ZNF600: variants seen among roughly 807,000 people sequenced by gnomAD.
ZNF600 encodes zinc finger protein KR-ZNF1.
In ZNF600, 4 loss-of-function variants were observed where a neutral mutation model predicts 7.3. The observed-to-expected ratio is 0.55, with a 90% CI of 0.27 to 1.25. The LOEUF (loss-of-function observed/expected upper bound fraction) is 1.25, where lower values mean the gene tolerates loss of function less well. Ranked by LOEUF, ZNF600 falls within the 50% of genes most tolerant of loss-of-function variation. ZNF600 has a pLI of 0.12. For missense variants in ZNF600, 911 were observed against 922.1 expected (o/e 0.99, Z 0.16); for synonymous variants, 290 against 308.9 (o/e 0.94, Z 0.64).
chr19:52,800,290 C>T, the ZNF600 span: 4 of 1,607,354 alleles, frequency 2.5e-6, no homozygotes, highest in African/African-American at 2.7e-5. Flanking sequence ...GGTTTCTCTC[C>T]AGTATGAACT....
chr19:52,800,989 G>A, the ZNF600 span: 91 of 1,614,128 alleles, frequency 5.6e-5, no homozygotes, highest in Non-Finnish European at 7.6e-5. Context: ...TGAAGGAAGA[G>A]GGATGTATTG....
At chr19:52,799,779 TTC>T in the ZNF600 span, 1 of 1,614,034 alleles carries the variant, frequency 6.2e-7, no homozygotes, top group African/African-American at 1.3e-5. Context: ...CTTGTAAGGT[TTC>T]TCTCCAGTAT....
At chr19:52,828,200 C>G in the ZNF600 span, among the ~76,000 whole-genome samples, 1 of 151,852 alleles carries the variant, frequency 6.6e-6, no homozygotes, top group African/African-American at 2.4e-5. Flanking sequence ...TACAGGCATG[C>G]TCCACCATGC....
chr19:52,817,775 C>G, the ZNF600 span, among the ~76,000 whole-genome samples: 1 of 152,224 alleles, frequency 6.6e-6, no homozygotes, highest in Non-Finnish European at 1.5e-5. Context: ...GTCACTGGGT[C>G]ACCAGAGATG....
the ZNF600 span, chr19:52,798,400 T>G: frequency 2.6e-6 from 1 of 384,672 alleles, no homozygotes; most frequent in Non-Finnish European, 5.1e-6. Flanking sequence ...TAATGTCAAT[T>G]AATGCTTGAT....
chr19:52,797,494 T>C, the ZNF600 span: 1 of 152,228 alleles, frequency 6.6e-6, no homozygotes, highest in African/African-American at 2.4e-5. Flanking sequence ...CAACTGGAAC[T>C]AATAAACATA....
chr19:52,807,428 A>G, the ZNF600 span, among the ~76,000 whole-genome samples: 6 of 152,262 alleles, frequency 3.9e-5, no homozygotes, highest in South Asian at 2.1e-4. Context: ...AGCACAGGAG[A>G]AGCAAACAGG....
At chr19:52,831,964 C>G in the ZNF600 span, among the ~76,000 whole-genome samples, 1 of 151,950 alleles carries the variant, frequency 6.6e-6, no homozygotes, top group South Asian at 2.1e-4. Flanking sequence ...TGATAGTTGA[C>G]AACAATGAAA....
At chr19:52,786,729 A>G in exon 1 of ZNF600, 2 of 366,780 alleles carry the variant, frequency 5.5e-6, no homozygotes, top group South Asian at 2.0e-5. Context: ...AGCAAAACTC[A>G]CGCGCCGTGG....
At chr19:52,816,723 TA>T in the ZNF600 span, among the ~76,000 whole-genome samples, 12 of 120,712 alleles carry the variant, frequency 9.9e-5, 2 homozygotes, top group Admixed American at 8.5e-4. Context: ...TCCCAGCTAC[TA>T]GGTGGGTTGA....
chr19:52,776,556 C>G (rs1249869289), intron 2 of ZNF600, among the ~76,000 whole-genome samples: 1 of 152,050 alleles, frequency 6.6e-6, no homozygotes, highest in Non-Finnish European at 1.5e-5. Context: ...GGATTTGAGG[C>G]ACCTGCCACT....
chr19:52,783,907 C>T (rs910203031), intron 1 of ZNF600, among the ~76,000 whole-genome samples: 1 of 152,154 alleles, frequency 6.6e-6, no homozygotes, highest in African/African-American at 2.4e-5. Flanking sequence ...TCTTCTGCCT[C>T]AGCCTCCTAA....
the ZNF600 span, among the ~76,000 whole-genome samples, chr19:52,824,569 A>C: frequency 1.3e-5 from 2 of 152,286 alleles, no homozygotes; most frequent in Middle Eastern, 6.8e-3. Context: ...TGGGAGGCAG[A>C]GGTTGCAGTG....
chr19:52,772,797 G>A (rs2062640975), intron 3 of ZNF600, among the ~76,000 whole-genome samples: 1 of 152,114 alleles, frequency 6.6e-6, no homozygotes, highest in African/African-American at 2.4e-5. Context: ...AGCCCAGGCA[G>A]GACAGGAAAT....
chr19:52,794,375 C>G, the ZNF600 span, among the ~76,000 whole-genome samples: 2 of 152,186 alleles, frequency 1.3e-5, no homozygotes, highest in Non-Finnish European at 2.9e-5. Flanking sequence ...CAGCGTCACT[C>G]TGACTGAGCT....
At chr19:52,816,718 G>C in the ZNF600 span, among the ~76,000 whole-genome samples, 1 of 120,868 alleles carries the variant, frequency 8.3e-6, no homozygotes, top group African/African-American at 4.0e-5. Flanking sequence ...TATAATCCCA[G>C]CTACTAGGTG....
At chr19:52,782,400 G>C (rs1303464646) in intron 1 of ZNF600, among the ~76,000 whole-genome samples, 1 of 151,564 alleles carries the variant, frequency 6.6e-6, no homozygotes, top group Non-Finnish European at 1.5e-5. Flanking sequence ...GTGCGTGCCT[G>C]TAATCATAAC....
intron 3 of ZNF600, among the ~76,000 whole-genome samples, chr19:52,773,341 G>C (rs1296892329): frequency 6.6e-6 from 1 of 152,116 alleles, no homozygotes; most frequent in East Asian, 1.9e-4. Context: ...GAATGAAAGA[G>C]ATCCAAAAAA....
the ZNF600 span, among the ~76,000 whole-genome samples, chr19:52,811,062 GTT>G: frequency 7.7e-5 from 11 of 142,232 alleles, no homozygotes; most frequent in East Asian, 4.1e-4. Context: ...ACTGGTTTTC[GTT>G]TTTTTTTTTG....
Sources: allele counts gnomAD v4.1 joint callset (sites outside exome capture counted in the v4.1 genomes callset), GRCh38; gene constraint gnomAD v4.1.1; transcripts MANE v1.5; gene names NCBI Gene and HGNC (gene_info 2026-07-23, HGNC 2026-07-21).